The following PLEKHA5 variants were observed in gnomAD, a reference collection of about 807,000 sequenced individuals.
The protein encoded by PLEKHA5 is pleckstrin homology domain containing A5.
A neutral mutation model predicts 181.9 loss-of-function variants in PLEKHA5; 55 were observed. The observed-to-expected ratio is 0.30, with a 90% CI of 0.24 to 0.38. The LOEUF (loss-of-function observed/expected upper bound fraction) is 0.38. PLEKHA5 is among the 10% of genes least tolerant of loss of function. The pLI is 1.00. For missense variants in PLEKHA5, 1,432 were observed against 1,549.5 expected, an observed-to-expected ratio of 0.92 and a Z score of 1.27; for synonymous variants, 535 against 529.4, an observed-to-expected ratio of 1.01 and a Z score of -0.15.
chr12:19,352,121 C>T (rs1481504719), intron 25 of PLEKHA5, among the ~76,000 whole-genome samples: 8 of 149,430 alleles, frequency 5.4e-5, no homozygotes, highest in South Asian at 2.1e-4. Flanking sequence ...TAGTGGCACG[C>T]GCTTGTAATC....
intron 3 of PLEKHA5, chr12:19,149,531 A>AG (rs1005742562): frequency 2.0e-5 from 3 of 151,488 alleles, no homozygotes; most frequent in African/African-American, 7.4e-5. Flanking sequence ...AAAGAAAAGA[A>AG]AAAAAAACTC....
intron 3 of PLEKHA5, among the ~76,000 whole-genome samples, chr12:19,142,403 A>G (rs1591793618): frequency 6.6e-6 from 1 of 152,280 alleles, no homozygotes; most frequent in Non-Finnish European, 1.5e-5. Flanking sequence ...TCAACATAAA[A>G]TATAAAACTC....
At chr12:19,362,792 A>T (rs921529492) in intron 29 of PLEKHA5, among the ~76,000 whole-genome samples, 5 of 145,120 alleles carry the variant, frequency 3.4e-5, no homozygotes, top group African/African-American at 5.2e-5. Context: ...TAAATACCTT[A>T]AAAAAAAAAA....
intron 17 of PLEKHA5, 26 bp downstream of exon 17, chr12:19,320,082 A>T: frequency 1.2e-6 from 1 of 810,420 alleles, no homozygotes; most frequent in Non-Finnish European, 1.9e-6. Flanking sequence ...TATTATATAT[A>T]TGTATACAAT....
intron 15 of PLEKHA5, among the ~76,000 whole-genome samples, chr12:19,302,905 AATTTTT>A (rs1409931510): frequency 1.4e-4 from 15 of 106,604 alleles, no homozygotes; most frequent in South Asian, 7.5e-4. Flanking sequence ...TTCTGTATGA[AATTTTT>A]TTTTTTTTTT....
At chr12:19,305,636 A>T (rs1280369296) in intron 15 of PLEKHA5, among the ~76,000 whole-genome samples, 1 of 151,878 alleles carries the variant, frequency 6.6e-6, no homozygotes, top group Non-Finnish European at 1.5e-5. Flanking sequence ...AGGCGGACGA[A>T]TCACCTGAGA....
At chr12:19,136,346 A>G (rs1358918647) in intron 3 of PLEKHA5, among the ~76,000 whole-genome samples, 1 of 152,186 alleles carries the variant, frequency 6.6e-6, no homozygotes, top group African/African-American at 2.4e-5. Flanking sequence ...TTGTTTTTAT[A>G]ACTTAATTTA....
At chr12:19,258,313 A>C (rs372761560) in intron 6 of PLEKHA5, among the ~76,000 whole-genome samples, 19 of 152,238 alleles carry the variant, frequency 1.2e-4, no homozygotes, top group South Asian at 1.2e-3. Flanking sequence ...TGACATCCTC[A>C]ATCTTCAAGG....
intron 21 of PLEKHA5, 67 bp from the exon 22 acceptor site, chr12:19,343,256 A>G: frequency 1.2e-6 from 1 of 817,364 alleles, no homozygotes; most frequent in Non-Finnish European, 1.9e-6. Flanking sequence ...TATAATTAAT[A>G]TATAATCATT....
At chr12:19,159,679 G>A (rs752559111) in intron 3 of PLEKHA5, among the ~76,000 whole-genome samples, 1 of 152,026 alleles carries the variant, frequency 6.6e-6, no homozygotes, top group Non-Finnish European at 1.5e-5. Context: ...CTGATTAAAT[G>A]TTTAAATTCT....
chr12:19,180,734 A>G (rs1480904734), intron 3 of PLEKHA5, among the ~76,000 whole-genome samples: 1 of 152,014 alleles, frequency 6.6e-6, no homozygotes, highest in Non-Finnish European at 1.5e-5. Flanking sequence ...TTAAAACTGA[A>G]TTGTTTGTTA....
chr12:19,230,546 G>A (rs868608784), intron 3 of PLEKHA5, among the ~76,000 whole-genome samples: 11 of 152,184 alleles, frequency 7.2e-5, no homozygotes, highest in African/African-American at 7.2e-5. Flanking sequence ...AGCACGGTGC[G>A]GGTAGGCTGG....
intron 23 of PLEKHA5, among the ~76,000 whole-genome samples, chr12:19,346,261 A>T (rs2094325372): frequency 6.6e-6 from 1 of 152,238 alleles, no homozygotes; most frequent in Admixed American, 6.5e-5. Context: ...ACAACTACAA[A>T]GAGATACTGT....
At chr12:19,209,523 G>C (rs1047255707) in intron 3 of PLEKHA5, among the ~76,000 whole-genome samples, 16 of 152,208 alleles carry the variant, frequency 1.1e-4, no homozygotes, top group Non-Finnish European at 2.9e-5. Flanking sequence ...CACTCAGTGA[G>C]TGCCAAAACT....
At chr12:19,162,586 AAG>A (rs1488930622) in intron 3 of PLEKHA5, among the ~76,000 whole-genome samples, 15 of 151,824 alleles carry the variant, frequency 9.9e-5, no homozygotes, top group African/African-American at 3.6e-4. Context: ...AAAAAAAAAA[AAG>A]AGTTGGGGGC....
chr12:19,272,914 G>C (rs751966241), intron 10 of PLEKHA5, among the ~76,000 whole-genome samples: 11 of 152,030 alleles, frequency 7.2e-5, no homozygotes, highest in Non-Finnish European at 1.3e-4. Flanking sequence ...CTTCTTTGTT[G>C]TTCTTGTTTT....
chr12:19,159,835 CT>C, intron 3 of PLEKHA5, among the ~76,000 whole-genome samples: 1 of 152,122 alleles, frequency 6.6e-6, no homozygotes, highest in Non-Finnish European at 1.5e-5. Context: ...CAGGCAAGGC[CT>C]TTAGGAATGC....
intron 26 of PLEKHA5, among the ~76,000 whole-genome samples, chr12:19,356,594 T>C (rs1328820825): frequency 3.3e-5 from 5 of 151,850 alleles, no homozygotes; most frequent in African/African-American, 1.2e-4. Context: ...GTGGAAATAG[T>C]TCATCATAAA....
intron 3 of PLEKHA5, among the ~76,000 whole-genome samples, chr12:19,174,677 T>C (rs1188578866): frequency 6.6e-6 from 1 of 152,186 alleles, no homozygotes; most frequent in Non-Finnish European, 1.5e-5. Flanking sequence ...ATTCAGCTTA[T>C]TGTAGCAGAG....
Sources: allele counts gnomAD v4.1 joint callset (sites outside exome capture counted in the v4.1 genomes callset), GRCh38; gene constraint gnomAD v4.1.1; transcripts MANE v1.5; gene names NCBI Gene and HGNC (gene_info 2026-07-23, HGNC 2026-07-21).